Variants in CPPED1 observed in about 807,000 individuals in gnomAD.
CPPED1 encodes serine/threonine-protein phosphatase CPPED1.
In CPPED1, 28 loss-of-function variants were observed where a neutral mutation model predicts 28.0. That is an observed-to-expected ratio of 1.00 (90% CI 0.74 to 1.37). The LOEUF is 1.37. Among genes scored for constraint, CPPED1 ranks in the 40% most tolerant of loss-of-function variants. The pLI is 0.00. For synonymous variants in CPPED1, 198 were observed against 180.2 expected, an observed-to-expected ratio of 1.10 and a Z score of -0.79; for missense variants, 504 against 416.5, an observed-to-expected ratio of 1.21 and a Z score of -1.83.
chr16:12,725,868 G>T (rs1272507493), intron 2 of CPPED1, among the ~76,000 whole-genome samples: 1 of 152,104 alleles, frequency 6.6e-6, no homozygotes, highest in East Asian at 1.9e-4. Flanking sequence ...CTCTTACCTA[G>T]CTGTGTGCTG....
At chr16:12,687,145 C>A (rs945065094) in intron 3 of CPPED1, among the ~76,000 whole-genome samples, 1 of 152,058 alleles carries the variant, frequency 6.6e-6, no homozygotes, top group African/African-American at 2.4e-5. Context: ...AAACCGTTTG[C>A]CAACTCTTGA....
chr16:12,666,944 C>G (rs770255831), intron 3 of CPPED1, among the ~76,000 whole-genome samples: 1 of 151,988 alleles, frequency 6.6e-6, no homozygotes, highest in Non-Finnish European at 1.5e-5. Context: ...TTACTGCAAC[C>G]TGAGAGTCTA....
At chr16:12,789,158 A>C (rs550883647) in intron 1 of CPPED1, among the ~76,000 whole-genome samples, 1 of 151,958 alleles carries the variant, frequency 6.6e-6, no homozygotes, top group East Asian at 1.9e-4. Flanking sequence ...CATGCTAGTG[A>C]CTCTCTGGGT....
In CPPED1 at chr16:12,704,987, C is replaced by A. The variant is rs202093661; in HGVS notation, c.352G>T (p.Ala118Ser). The A allele has an allele frequency of 6.0e-5, 97 of 1,614,200 alleles. No individual in the cohort carries two copies. In the African/African-American group the frequency reaches 1.2e-3, roughly 19 times the overall value. ...LKRVLRAVDR[A>S]IPLVLVSGNH... ...CCGCTGACAAGGACCAGTGGGATGG[C>A]CCTGTCCACTGCCCTAAGCACTCGC... is the stretch of plus-strand genomic sequence containing the variant. Residue 118 changes from alanine to serine, a missense_variant, in exon 3 of 4, where the codon GCC becomes TCC. Transcript: ENST00000381774.
rs1437493892 is a variant in CPPED1 at position 12,660,084 on chromosome 16, T to A, written c.*4802A>T. On this transcript the variant is annotated 3_prime_UTR_variant, in exon 4 of 4. Transcript: ENST00000381774. ...ATTACAATTCGAGATGAGATTTCAGTGGGGACACAGAGCCAAACCAATTTG... is the reference window on the plus strand; with the variant it reads ...ATTACAATTCGAGATGAGATTTCAGAGGGGACACAGAGCCAAACCAATTTG... The A allele has an allele frequency of 1.3e-5, 2 of 152,200 alleles. No individual in the cohort carries two copies. The highest frequency in any genetic ancestry group is 4.8e-5 in the African/African-American group (2 of 41,442). 9.4% of individuals were successfully genotyped at this position (152,200 alleles called of 1,614,324 possible).
At chr16:12,699,259 T>C (rs1202962787) in intron 3 of CPPED1, among the ~76,000 whole-genome samples, 1 of 152,236 alleles carries the variant, frequency 6.6e-6, no homozygotes, top group Non-Finnish European at 1.5e-5. Flanking sequence ...CAGGTGCTGC[T>C]TCACACTGGT....
chr16:12,777,740 C>T (rs1020150188), intron 2 of CPPED1, among the ~76,000 whole-genome samples: 1 of 152,086 alleles, frequency 6.6e-6, no homozygotes, highest in Non-Finnish European at 1.5e-5. Flanking sequence ...AAGACCTGGT[C>T]TCTTGTCTCC....
At chr16:12,762,249 G>A (rs541351927) in intron 2 of CPPED1, among the ~76,000 whole-genome samples, 2 of 152,200 alleles carry the variant, frequency 1.3e-5, no homozygotes, top group African/African-American at 2.4e-5. Context: ...CTTCTTTGTC[G>A]GGGGAAGAGG....
At chr16:12,720,631 G>A (rs1472781797) in intron 2 of CPPED1, among the ~76,000 whole-genome samples, 1 of 152,110 alleles carries the variant, frequency 6.6e-6, no homozygotes, top group African/African-American at 2.4e-5. Context: ...GGTACTACAG[G>A]TGTGCACCAC....
chr16:12,758,965 C>T (rs869860), intron 2 of CPPED1, among the ~76,000 whole-genome samples: 60,890 of 151,296 alleles, frequency 0.4, 14,106 homozygotes, highest in East Asian at 0.56. Context: ...GAGTCTGAGA[C>T]CAGTCTGGGC....
At chr16:12,708,922 A>G (rs1020173922) in intron 2 of CPPED1, among the ~76,000 whole-genome samples, 12 of 152,184 alleles carry the variant, frequency 7.9e-5, no homozygotes, top group African/African-American at 2.7e-4. Flanking sequence ...TCTACTAAAA[A>G]TACAAAAATT....
Position 12,754,529 on chromosome 16 carries a change from CA to C in CPPED1, c.289+26655del, listed in dbSNP as rs1398599203. Reference sequence around the variant, plus strand: ...TAAAGGGGCATGTGCACATTATAAGCAGGTTCTTCATCTTACAAAAGCATCC... The same window carrying C: ...TAAAGGGGCATGTGCACATTATAAGCGGTTCTTCATCTTACAAAAGCATCC... On this transcript the variant is annotated intron_variant, in intron 2 of 3. Coordinates refer to ENST00000381774, the MANE Select transcript of CPPED1 (RefSeq NM_018340.3). Among the ~76,000 whole-genome samples, 11 of 152,204 alleles carry C rather than the reference CA, an allele frequency of 7.2e-5. No individual in the cohort carries two copies. The South Asian group carries it at 1.9e-3, about 26-fold the overall frequency.
intron 2 of CPPED1, among the ~76,000 whole-genome samples, chr16:12,754,816 C>G (rs1399690331): frequency 2.0e-5 from 3 of 152,018 alleles, no homozygotes; most frequent in Non-Finnish European, 2.9e-5. Flanking sequence ...CTGGGCGACA[C>G]AGTGAGACCT....
chr16:12,744,166 T>C (rs950570478), intron 2 of CPPED1, among the ~76,000 whole-genome samples: 4 of 151,348 alleles, frequency 2.6e-5, no homozygotes, highest in Non-Finnish European at 5.9e-5. Context: ...GTCCCAGCTA[T>C]TTGGGAGGCT....
chr16:12,692,016 G>C (rs1199042355), intron 3 of CPPED1, among the ~76,000 whole-genome samples: 1 of 151,950 alleles, frequency 6.6e-6, no homozygotes, highest in Non-Finnish European at 1.5e-5. Flanking sequence ...ACCATGCCTG[G>C]ATAATTTTTG....
At position 12,664,741 on chromosome 16, in the gene CPPED1, G is replaced by C; in HGVS notation, c.*145C>G. The C allele has an allele frequency of 6.7e-7, 1 of 1,489,092 alleles. No individual in the cohort carries two copies. Among genetic ancestry groups the C allele is most frequent in the Non-Finnish European group, 8.8e-7 (1 of 1,131,680 alleles). 92.2% of individuals were successfully genotyped at this position (1,489,092 alleles called of 1,614,324 possible). On this transcript the variant is annotated 3_prime_UTR_variant, in exon 4 of 4. Coordinates refer to ENST00000381774, the MANE Select transcript of CPPED1 (RefSeq NM_018340.3). This position sits in a 1 kb window ranked among gnomAD's most constrained non-coding sequence, Gnocchi z 4.2. Reference sequence around the variant, plus strand: ...GAATATAATTCAGGACAGGGCCCCAGCTCTCTGATTTATGCAAAAGGACAT... The same window carrying C: ...GAATATAATTCAGGACAGGGCCCCACCTCTCTGATTTATGCAAAAGGACAT...
chr16:12,769,013 A>T (rs2080455272), intron 2 of CPPED1, among the ~76,000 whole-genome samples: 1 of 151,900 alleles, frequency 6.6e-6, no homozygotes, highest in African/African-American at 2.4e-5. Flanking sequence ...TTACAGGCAC[A>T]TGCCCCCACA....
At chr16:12,775,726 C>T (rs1462472991) in intron 2 of CPPED1, among the ~76,000 whole-genome samples, 4 of 152,176 alleles carry the variant, frequency 2.6e-5, no homozygotes, top group African/African-American at 4.8e-5. Flanking sequence ...GGCTGCAAAA[C>T]GAAGCGCACA....
chr16:12,695,750 T>C (rs995143394), intron 3 of CPPED1, among the ~76,000 whole-genome samples: 1 of 152,248 alleles, frequency 6.6e-6, no homozygotes, highest in Non-Finnish European at 1.5e-5. Flanking sequence ...GCTGTTTTTG[T>C]ACCTCACTTT....
Sources: gnomAD v4.1 joint callset for allele counts (sites outside exome capture counted in the v4.1 genomes callset) on GRCh38, gnomAD v4.1.1 for gene constraint, Gnocchi (gnomAD v3.1) non-coding constraint, MANE v1.5 for transcripts, NCBI Gene and HGNC (gene_info 2026-07-23, HGNC 2026-07-21) for gene names.